The following SEMA3E variants were observed in gnomAD, a reference collection of about 807,000 sequenced individuals.
SEMA3E encodes the protein semaphorin 3E.
Under a neutral mutation model 93.6 loss-of-function variants are expected in SEMA3E, and 49 were observed. The observed-to-expected ratio is 0.52, with a 90% CI of 0.42 to 0.66. The LOEUF is 0.66. Ranked by LOEUF, SEMA3E falls within the 30% of genes least tolerant of loss-of-function variation. The pLI is 0.00. For missense variants in SEMA3E, 906 were observed against 964.8 expected, an observed-to-expected ratio of 0.94 and a Z score of 0.81; for synonymous variants, 363 against 330.7, an observed-to-expected ratio of 1.10 and a Z score of -1.06.
chr7:83,525,784 G>GTTTTTTTTTTTTTTTTTTGTT (rs35792837), intron 1 of SEMA3E, among the ~76,000 whole-genome samples: 1 of 128,558 alleles, frequency 7.8e-6, no homozygotes, highest in African/African-American at 2.9e-5. Flanking sequence ...GTTTGTTTGG[G>GTTTTTTTTTTTTTTTTTTGTT]TTTTTTTTTT....
At chr7:83,414,459 T>C (rs1461989701) in intron 5 of SEMA3E, among the ~76,000 whole-genome samples, 1 of 152,076 alleles carries the variant, frequency 6.6e-6, no homozygotes, top group East Asian at 1.9e-4. Context: ...AAATTCATAA[T>C]AAGGATATAT....
chr7:83,563,652 C>A (rs1440981986), intron 1 of SEMA3E, among the ~76,000 whole-genome samples: 3 of 152,144 alleles, frequency 2.0e-5, no homozygotes, highest in African/African-American at 7.2e-5. Flanking sequence ...TGCCTTCAAT[C>A]CAAATATGTT....
intron 1 of SEMA3E, among the ~76,000 whole-genome samples, chr7:83,494,119 C>T (rs980671674): frequency 6.6e-6 from 1 of 151,634 alleles, no homozygotes; most frequent in African/African-American, 2.4e-5. Context: ...ATCAAATAAA[C>T]AAATATATTT....
At chr7:83,547,542 C>T (rs1466080549) in intron 1 of SEMA3E, among the ~76,000 whole-genome samples, 1 of 152,088 alleles carries the variant, frequency 6.6e-6, no homozygotes, top group Non-Finnish European at 1.5e-5. Context: ...AGGAAGGTAA[C>T]TCGTGGTAGT....
At chr7:83,493,248 A>G (rs1404785961) in intron 1 of SEMA3E, among the ~76,000 whole-genome samples, 1 of 151,970 alleles carries the variant, frequency 6.6e-6, no homozygotes, top group Non-Finnish European at 1.5e-5. Context: ...GGAGTGGTGA[A>G]TAGCAAGTCT....
chr7:83,585,811 GC>G (rs1490429284), intron 1 of SEMA3E, among the ~76,000 whole-genome samples: 1 of 152,286 alleles, frequency 6.6e-6, no homozygotes, highest in African/African-American at 2.4e-5. Context: ...TACAGGGCAA[GC>G]AAAAACTCCA....
chr7:83,575,658 A>C (rs1053261665), intron 1 of SEMA3E, among the ~76,000 whole-genome samples: 1 of 152,186 alleles, frequency 6.6e-6, no homozygotes, highest in Non-Finnish European at 1.5e-5. Flanking sequence ...TTCACTGGTC[A>C]TTAAATCGTA....
At chr7:83,526,924 G>C (rs1791172543) in intron 1 of SEMA3E, among the ~76,000 whole-genome samples, 1 of 152,104 alleles carries the variant, frequency 6.6e-6, no homozygotes, top group South Asian at 2.1e-4. Flanking sequence ...GAGGTTAATT[G>C]TGACCTCATA....
intron 5 of SEMA3E, 53 bp downstream of exon 5, chr7:83,418,337 A>G: frequency 2.5e-6 from 3 of 1,223,390 alleles, no homozygotes; most frequent in Non-Finnish European, 3.6e-6. Flanking sequence ...GTTGAAATAT[A>G]TGTTTTAAAA....
At chr7:83,480,912 T>C (rs1388767826) in intron 2 of SEMA3E, among the ~76,000 whole-genome samples, 2 of 152,204 alleles carry the variant, frequency 1.3e-5, no homozygotes, top group Non-Finnish European at 2.9e-5. Context: ...GGAATGGGTG[T>C]GGGAAGAAAC....
intron 4 of SEMA3E, among the ~76,000 whole-genome samples, chr7:83,433,752 A>G (rs898839893): frequency 3.9e-5 from 6 of 152,130 alleles, no homozygotes; most frequent in African/African-American, 9.6e-5. Context: ...AAATGAGGAT[A>G]CAAGACAAAG....
At chr7:83,579,891 C>G (rs1473695563) in intron 1 of SEMA3E, among the ~76,000 whole-genome samples, 5 of 151,948 alleles carry the variant, frequency 3.3e-5, no homozygotes, top group Admixed American at 6.6e-5. Context: ...AATCTGGCTT[C>G]TTGATGTTTG....
chr7:83,637,594 G>A (rs1431507019), intron 1 of SEMA3E, among the ~76,000 whole-genome samples: 1 of 152,020 alleles, frequency 6.6e-6, no homozygotes, highest in African/African-American at 2.4e-5. Context: ...CAGTGTGTGA[G>A]TTCTCGGGAG....
At chr7:83,398,464 G>A (rs1453871186) in intron 11 of SEMA3E, among the ~76,000 whole-genome samples, 1 of 152,118 alleles carries the variant, frequency 6.6e-6, no homozygotes, top group Non-Finnish European at 1.5e-5. Context: ...CACTATGAGT[G>A]AATTTATGGC....
chr7:83,616,900 T>C (rs567486033), intron 1 of SEMA3E, among the ~76,000 whole-genome samples: 18 of 152,188 alleles, frequency 1.2e-4, no homozygotes, highest in Non-Finnish European at 8.8e-5. Flanking sequence ...AGTTTTTGTA[T>C]TTTTGGTAGA....
intron 16 of SEMA3E, chr7:83,371,897 C>T (rs561831731): frequency 3.5e-5 from 6 of 171,496 alleles, no homozygotes; most frequent in African/African-American, 9.4e-5. Flanking sequence ...AGGTATTTTG[C>T]TTCTTTTTGT....
intron 1 of SEMA3E, among the ~76,000 whole-genome samples, chr7:83,584,216 T>A (rs1792572508): frequency 6.6e-6 from 1 of 152,148 alleles, no homozygotes; most frequent in South Asian, 2.1e-4. Context: ...ATGTTCTTTC[T>A]CACAGCTATA....
At chr7:83,548,728 G>A (rs183034118) in intron 1 of SEMA3E, among the ~76,000 whole-genome samples, 4 of 152,168 alleles carry the variant, frequency 2.6e-5, no homozygotes, top group Non-Finnish European at 1.5e-5. Context: ...TTAGTGCCTA[G>A]CACACTAATA....
intron 1 of SEMA3E, among the ~76,000 whole-genome samples, chr7:83,600,317 ATTCT>A (rs986272306): frequency 2.8e-5 from 4 of 140,744 alleles, no homozygotes; most frequent in African/African-American, 1.1e-4. Flanking sequence ...AGAAATATTA[ATTCT>A]TTTTTTTTTT....
Sources: gnomAD v4.1 joint callset for allele counts (sites outside exome capture counted in the v4.1 genomes callset) on GRCh38, gnomAD v4.1.1 for gene constraint, MANE v1.5 for transcripts, NCBI Gene and HGNC (gene_info 2026-07-23, HGNC 2026-07-21) for gene names.